Variants in PRKCE observed in about 807,000 individuals in gnomAD.
PRKCE encodes protein kinase C epsilon.
In PRKCE, 16 loss-of-function variants were observed where a neutral mutation model predicts 85.4. The observed-to-expected ratio is 0.19, with a 90% CI of 0.13 to 0.28. The LOEUF (loss-of-function observed/expected upper bound fraction) is 0.28. Among genes scored for constraint, PRKCE ranks in the 10% least tolerant of loss-of-function variants. PRKCE has a pLI of 1.00. For missense variants in PRKCE, 573 were observed against 975.2 expected, an observed-to-expected ratio of 0.59 and a Z score of 5.49; for synonymous variants, 388 against 371.5, an observed-to-expected ratio of 1.04 and a Z score of -0.51.
At chr2:46,113,547 G>C (rs1242211204) in intron 11 of PRKCE, among the ~76,000 whole-genome samples, 3 of 152,170 alleles carry the variant, frequency 2.0e-5, no homozygotes, top group Non-Finnish European at 4.4e-5. Context: ...GGAAACTCTG[G>C]GGAGAAGTAC....
chr2:45,753,560 C>G (rs935830390), intron 1 of PRKCE, among the ~76,000 whole-genome samples: 5 of 148,536 alleles, frequency 3.4e-5, no homozygotes, highest in African/African-American at 9.8e-5. Flanking sequence ...GTGTGCTGAG[C>G]CCGCCTTGAG....
chr2:45,984,427 G>C, intron 5 of PRKCE, 124 bp from the exon 6 acceptor site: 4 of 1,414,416 alleles, frequency 2.8e-6, no homozygotes, highest in Non-Finnish European at 3.8e-6. Flanking sequence ...TTAGAGCCAA[G>C]CTAGGGCCTG....
intron 2 of PRKCE, among the ~76,000 whole-genome samples, chr2:45,915,051 G>A (rs1697662629): frequency 6.6e-6 from 1 of 152,190 alleles, no homozygotes; most frequent in African/African-American, 2.4e-5. Context: ...AGCACCTCCA[G>A]CTAATCTTTG....
chr2:46,082,594 T>A (rs1319093263), intron 10 of PRKCE, among the ~76,000 whole-genome samples: 1 of 152,074 alleles, frequency 6.6e-6, no homozygotes, highest in Non-Finnish European at 1.5e-5. Context: ...AAACTGGGCG[T>A]GGACAAGATC....
chr2:45,996,603 T>C (rs1163521668), intron 6 of PRKCE, among the ~76,000 whole-genome samples: 1 of 113,714 alleles, frequency 8.8e-6, no homozygotes, highest in Non-Finnish European at 1.9e-5. Flanking sequence ...TTGATTTTTT[T>C]TCTCTCTTTA....
At chr2:46,170,699 T>C (rs925590752) in intron 14 of PRKCE, among the ~76,000 whole-genome samples, 2 of 152,212 alleles carry the variant, frequency 1.3e-5, no homozygotes, top group African/African-American at 4.8e-5. Flanking sequence ...GGTCATAAGA[T>C]CCTGCATTAG....
chr2:46,176,322 T>TC (rs1267899605), intron 14 of PRKCE, among the ~76,000 whole-genome samples: 1 of 151,754 alleles, frequency 6.6e-6, no homozygotes, highest in Admixed American at 6.6e-5. Context: ...GCGTTGAAGC[T>TC]CCCCCAGGTG....
chr2:45,750,801 G>A (rs1170335901), intron 1 of PRKCE, among the ~76,000 whole-genome samples: 1 of 152,134 alleles, frequency 6.6e-6, no homozygotes, highest in Non-Finnish European at 1.5e-5. Context: ...AGTATTGCAT[G>A]CTTGGTAAGT....
Position 45,652,067 on chromosome 2 carries a change from G to C in PRKCE, c.-34G>C. 6.8e-7 allele frequency: 1 copy of C among 1,478,612 alleles called. No individual in the cohort carries two copies. The highest frequency in any genetic ancestry group is 9.1e-7 in the Non-Finnish European group (1 of 1,096,268). The allele number at this position is 1,478,612 out of a possible 1,614,324, so 91.6% of individuals were successfully genotyped here. ...CTTCATTCCTGCCCTCGGGGCAGAC[G>C]GAGTGACCCCGGCCCCCACTCCCCG... On this transcript the variant is annotated 5_prime_UTR_variant, in exon 1 of 15. Transcript: ENST00000306156. This position sits in a 1 kb window ranked among gnomAD's most constrained non-coding sequence, Gnocchi z 7.7.
chr2:45,872,791 A>G (rs1694193539), intron 2 of PRKCE, among the ~76,000 whole-genome samples: 4 of 152,106 alleles, frequency 2.6e-5, no homozygotes, highest in Admixed American at 2.6e-4. Context: ...TTCAAATTTG[A>G]GATGTCTAGG....
At chr2:45,912,911 T>G (rs1310651036) in intron 2 of PRKCE, among the ~76,000 whole-genome samples, 1 of 152,066 alleles carries the variant, frequency 6.6e-6, no homozygotes, top group Non-Finnish European at 1.5e-5. Context: ...CTGATGGAGT[T>G]CAAGCCCATA....
At chr2:45,766,230 C>T (rs1279184832) in intron 1 of PRKCE, among the ~76,000 whole-genome samples, 1 of 152,110 alleles carries the variant, frequency 6.6e-6, no homozygotes, top group East Asian at 1.9e-4. Flanking sequence ...AATTTCAGGG[C>T]AAGATAATCG....
At position 46,001,263 on chromosome 2, in the gene PRKCE, A is replaced by ATATC; in HGVS notation, c.824-138_824-137insCTAT. On this transcript the variant is annotated intron_variant, in intron 6 of 14. Transcript: ENST00000306156. This position sits in a 1 kb window ranked among gnomAD's most constrained non-coding sequence, Gnocchi z 4.4. ...TGTATGATGGAAGACATATATATAT[A>ATATC]TATATATATTTCTGTATTTTCCAAA... 1 of 482,656 alleles carries ATATC rather than the reference A, an allele frequency of 2.1e-6. No homozygotes were observed. The highest frequency in any genetic ancestry group is 2.9e-6 in the Non-Finnish European group (1 of 341,564). 29.9% of individuals were successfully genotyped at this position (482,656 alleles called of 1,614,324 possible).
intron 1 of PRKCE, among the ~76,000 whole-genome samples, chr2:45,837,981 A>G (rs368817345): frequency 3.9e-5 from 6 of 152,336 alleles, no homozygotes; most frequent in African/African-American, 1.4e-4. Context: ...CACCCCAAAA[A>G]AGTCCCTAAC....
chr2:45,835,810 G>C (rs1234558909), intron 1 of PRKCE, among the ~76,000 whole-genome samples: 2 of 152,058 alleles, frequency 1.3e-5, no homozygotes, highest in African/African-American at 4.8e-5. Flanking sequence ...GTACAGGCTG[G>C]TCTTGAACTC....
At chr2:46,099,378 C>G (rs1397301737) in intron 11 of PRKCE, among the ~76,000 whole-genome samples, 1 of 152,112 alleles carries the variant, frequency 6.6e-6, no homozygotes, top group Non-Finnish European at 1.5e-5. Flanking sequence ...CTTTGACACA[C>G]CCATACACAA....
intron 1 of PRKCE, among the ~76,000 whole-genome samples, chr2:45,779,411 G>A (rs1291219294): frequency 6.6e-6 from 1 of 152,090 alleles, no homozygotes; most frequent in African/African-American, 2.4e-5. Flanking sequence ...GGATGTCCGG[G>A]GGCGAGGAAA....
At chr2:45,804,945 C>CTTT (rs5830871) in intron 1 of PRKCE, among the ~76,000 whole-genome samples, 9 of 133,512 alleles carry the variant, frequency 6.7e-5, no homozygotes, top group Non-Finnish European at 9.5e-5. Flanking sequence ...AACTCATCAA[C>CTTT]TTTTTTTTTT....
At chr2:45,826,603 C>A (rs1251647555) in intron 1 of PRKCE, among the ~76,000 whole-genome samples, 2 of 152,052 alleles carry the variant, frequency 1.3e-5, no homozygotes, top group Non-Finnish European at 2.9e-5. Context: ...CTTGGACCTT[C>A]CCCCCGAACT....
Sources: gnomAD v4.1 joint callset for allele counts (sites outside exome capture counted in the v4.1 genomes callset) on GRCh38, gnomAD v4.1.1 for gene constraint, Gnocchi (gnomAD v3.1) non-coding constraint, MANE v1.5 for transcripts, NCBI Gene and HGNC (gene_info 2026-07-23, HGNC 2026-07-21) for gene names.